UBE2E2: variants seen among roughly 807,000 people sequenced by gnomAD.
The protein encoded by UBE2E2 is ubiquitin conjugating enzyme E2 E2, also known as ubiquitin-conjugating enzyme E2 E2.
Under a neutral mutation model 24.7 loss-of-function variants are expected in UBE2E2, and 6 were observed. That is an observed-to-expected ratio of 0.24 (90% CI 0.13 to 0.48). The LOEUF (loss-of-function observed/expected upper bound fraction) is 0.48. Ranked by LOEUF, UBE2E2 falls within the 20% of genes least tolerant of loss-of-function variation. The pLI, the probability that UBE2E2 is intolerant of heterozygous loss-of-function variation, is 0.99. For missense variants in UBE2E2, 169 were observed against 245.0 expected (o/e 0.69, Z 2.07); for synonymous variants, 104 against 83.6 (o/e 1.24, Z -1.33).
At chr3:23,208,627 T>C in intron 1 of UBE2E2, 65 bp from the exon 2 acceptor site, 1 of 1,270,048 alleles carries the variant, frequency 7.9e-7, no homozygotes, top group South Asian at 2.1e-5. Flanking sequence ...AGGCTCATTC[T>C]CTGTGTTCTG....
chr3:23,355,031 A>C (rs1695899514), intron 3 of UBE2E2, among the ~76,000 whole-genome samples: 1 of 152,062 alleles, frequency 6.6e-6, no homozygotes, highest in South Asian at 2.1e-4. Flanking sequence ...CATATACACC[A>C]TGGAATACTA....
intron 3 of UBE2E2, among the ~76,000 whole-genome samples, chr3:23,312,090 C>G (rs2125278257): frequency 6.6e-6 from 1 of 151,880 alleles, no homozygotes; most frequent in African/African-American, 2.4e-5. Flanking sequence ...TAGCACCTCC[C>G]TCCTCTCTTT....
In UBE2E2 at chr3:23,317,809, A is replaced by G. The variant is rs567348614; in HGVS notation, c.227+100497A>G. On this transcript the variant is annotated intron_variant, in intron 3 of 5. Coordinates refer to ENST00000396703, the MANE Select transcript of UBE2E2 (RefSeq NM_152653.4). Reference sequence around the variant, plus strand: ...CAAAATGAGATTTGGGTGGGGACACAGCCAAACCGTATCAGGAGGGGTGAT... The same window carrying G: ...CAAAATGAGATTTGGGTGGGGACACGGCCAAACCGTATCAGGAGGGGTGAT... 2.3e-4 allele frequency among the ~76,000 whole-genome samples: 35 copies of G among 152,204 alleles called. No homozygotes were observed. In the South Asian group the frequency reaches 6.3e-3, roughly 27 times the overall value.
At chr3:23,308,848 C>G (rs1699302937) in intron 3 of UBE2E2, among the ~76,000 whole-genome samples, 1 of 152,138 alleles carries the variant, frequency 6.6e-6, no homozygotes, top group African/African-American at 2.4e-5. Context: ...ACCGGGTAAG[C>G]TGACAGTGCA....
At chr3:23,352,527 T>C (rs1217756890) in intron 3 of UBE2E2, among the ~76,000 whole-genome samples, 2 of 151,660 alleles carry the variant, frequency 1.3e-5, no homozygotes, top group Non-Finnish European at 2.9e-5. Context: ...AGCAAATAGA[T>C]GCAATAAAAA....
chr3:23,525,389 C>A (rs1694971031), intron 4 of UBE2E2, among the ~76,000 whole-genome samples: 1 of 152,162 alleles, frequency 6.6e-6, no homozygotes, highest in African/African-American at 2.4e-5. Flanking sequence ...GTGTTTATCA[C>A]ACATAAATTA....
intron 3 of UBE2E2, among the ~76,000 whole-genome samples, chr3:23,249,924 G>A (rs1239041696): frequency 6.6e-6 from 1 of 152,172 alleles, no homozygotes; most frequent in Non-Finnish European, 1.5e-5. Context: ...CCAAAGTGCT[G>A]GGACTACAGG....
chr3:23,454,552 A>G (rs1422446268), intron 3 of UBE2E2, among the ~76,000 whole-genome samples: 1 of 152,208 alleles, frequency 6.6e-6, no homozygotes, highest in Non-Finnish European at 1.5e-5. Context: ...AAAAGCTAAG[A>G]GAAGTTTTGC....
At chr3:23,232,180 T>A (rs1696992883) in intron 3 of UBE2E2, among the ~76,000 whole-genome samples, 1 of 152,216 alleles carries the variant, frequency 6.6e-6, no homozygotes, top group Non-Finnish European at 1.5e-5. Context: ...GCCTCTATCC[T>A]GAAGCTGCCT....
At chr3:23,359,546 T>A (rs1354447574) in intron 3 of UBE2E2, among the ~76,000 whole-genome samples, 1 of 152,192 alleles carries the variant, frequency 6.6e-6, no homozygotes, top group Non-Finnish European at 1.5e-5. Flanking sequence ...GGAAACAGCT[T>A]TAATGGTAGC....
At chr3:23,267,480 A>G (rs941916059) in intron 3 of UBE2E2, among the ~76,000 whole-genome samples, 3 of 152,232 alleles carry the variant, frequency 2.0e-5, no homozygotes, top group African/African-American at 7.2e-5. Flanking sequence ...TCCTCGACAC[A>G]TACACCATCC....
At chr3:23,258,161 T>C (rs1039540591) in intron 3 of UBE2E2, among the ~76,000 whole-genome samples, 13 of 152,198 alleles carry the variant, frequency 8.5e-5, no homozygotes. Flanking sequence ...GACCATGTTA[T>C]TGAGCACACC....
chr3:23,329,160 T>A (rs1270901498), intron 3 of UBE2E2, among the ~76,000 whole-genome samples: 1 of 152,182 alleles, frequency 6.6e-6, no homozygotes. Context: ...GACATGAATT[T>A]TTTATTTGAT....
chr3:23,297,491 G>A (rs948236253), intron 3 of UBE2E2, among the ~76,000 whole-genome samples: 5 of 152,166 alleles, frequency 3.3e-5, no homozygotes, highest in African/African-American at 1.2e-4. Context: ...TTTGTATAAG[G>A]TGTAAGGAAG....
intron 3 of UBE2E2, among the ~76,000 whole-genome samples, chr3:23,342,832 T>C (rs1695435563): frequency 6.6e-6 from 1 of 152,198 alleles, no homozygotes; most frequent in Admixed American, 6.5e-5. Flanking sequence ...TTTTATATTT[T>C]TTTTTCTGCT....
At chr3:23,473,728 CATTA>C (rs1323105209) in intron 3 of UBE2E2, among the ~76,000 whole-genome samples, 1 of 152,020 alleles carries the variant, frequency 6.6e-6, no homozygotes, top group African/African-American at 2.4e-5. Context: ...AATAATATGC[CATTA>C]ATTAATTCCT....
intron 3 of UBE2E2, among the ~76,000 whole-genome samples, chr3:23,370,405 C>T (rs780497005): frequency 1.3e-5 from 2 of 152,084 alleles, no homozygotes; most frequent in African/African-American, 2.4e-5. Flanking sequence ...ATAGTAATGT[C>T]AATTTTTAAG....
rs191418341 is a variant in UBE2E2 at position 23,497,421 on chromosome 3, A to C, written c.228-2187A>C. On this transcript the variant is annotated intron_variant, in intron 3 of 5. Transcript: ENST00000396703. ...ACGTGGCATTTTAGGCATTTTAAGC[A>C]GCTATTGGCAATAGCTGAGTTCATT... is the stretch of plus-strand genomic sequence containing the variant. 3.1e-3 allele frequency among the ~76,000 whole-genome samples: 472 copies of C among 152,378 alleles called. 1 individual carries two copies. The highest frequency in any genetic ancestry group is 4.7e-3 in the Non-Finnish European group (318 of 68,028).
At chr3:23,452,316 A>T (rs1698578264) in intron 3 of UBE2E2, among the ~76,000 whole-genome samples, 2 of 152,322 alleles carry the variant, frequency 1.3e-5, no homozygotes, top group Admixed American at 1.3e-4. Flanking sequence ...AATGTGAATC[A>T]TAAACAGGTG....
Sources: allele counts gnomAD v4.1 joint callset (sites outside exome capture counted in the v4.1 genomes callset), GRCh38; gene constraint gnomAD v4.1.1; transcripts MANE v1.5; gene names NCBI Gene and HGNC (gene_info 2026-07-23, HGNC 2026-07-21).